IL34: variants seen among roughly 807,000 people sequenced by gnomAD.
IL34 encodes interleukin 34.
In IL34, 17 loss-of-function variants were observed where a neutral mutation model predicts 25.3. The ratio of observed to expected loss-of-function variants is 0.67; its 90% CI spans 0.46 to 1.01. IL34 has a LOEUF of 1.01. Ranked by LOEUF, IL34 falls within the 50% of genes least tolerant of loss-of-function variation. The pLI is 0.00. For missense variants in IL34, 368 were observed against 312.9 expected, an observed-to-expected ratio of 1.18 and a Z score of -1.33; for synonymous variants, 174 against 140.9, an observed-to-expected ratio of 1.23 and a Z score of -1.66.
In IL34 at chr16:70,647,922, G is replaced by A. The variant is rs146035966; in HGVS notation, c.28+947G>A. ...CATGGGGGAGGGGCTACTGGAAATG[G>A]TCTAGAAGGTGGGGTGGTGGTCACA... On this transcript the variant is annotated intron_variant, in intron 1 of 5. Transcript: ENST00000288098. 5.2e-3 allele frequency among the ~76,000 whole-genome samples: 792 copies of A among 152,326 alleles called. 2 individuals are homozygous for A. Among genetic ancestry groups the A allele is most frequent in the South Asian group, 0.016 (79 of 4,820 alleles).
intron 1 of IL34, among the ~76,000 whole-genome samples, chr16:70,652,380 C>A (rs979727752): frequency 1.4e-4 from 22 of 152,028 alleles, no homozygotes; most frequent in African/African-American, 5.1e-4. Context: ...ATTGCTTGAA[C>A]CCAGGAGTTT....
At chr16:70,624,204 G>A (rs940722368) in intron 1 of IL34, among the ~76,000 whole-genome samples, 100 of 151,896 alleles carry the variant, frequency 6.6e-4, no homozygotes, top group African/African-American at 2.1e-3. Flanking sequence ...CCGGGCTGCC[G>A]GCATTCCTTG....
intron 1 of IL34, 99 bp downstream of exon 1, chr16:70,647,074 G>C (rs2051953482): frequency 9.0e-7 from 1 of 1,114,780 alleles, no homozygotes; most frequent in Non-Finnish European, 1.2e-6. Flanking sequence ...TTGCTGGTGA[G>C]AAGTTGCGAT....
intron 4 of IL34, among the ~76,000 whole-genome samples, chr16:70,657,880 C>A (rs577624122): frequency 6.6e-6 from 1 of 152,230 alleles, no homozygotes; most frequent in African/African-American, 2.4e-5. Context: ...AGAGTGTGAG[C>A]CCTAATGTAA....
intron 1 of IL34, among the ~76,000 whole-genome samples, chr16:70,593,824 G>C (rs560027700): frequency 6.6e-6 from 1 of 152,130 alleles, no homozygotes; most frequent in South Asian, 2.1e-4. Context: ...AGTGTACCTG[G>C]CAATATCTAG....
intron 1 of IL34, among the ~76,000 whole-genome samples, chr16:70,621,228 GT>G (rs2051275007): frequency 6.6e-6 from 1 of 152,154 alleles, no homozygotes; most frequent in Non-Finnish European, 1.5e-5. Context: ...CCCTTGAAGC[GT>G]GCCTGTATAA....
intron 1 of IL34, among the ~76,000 whole-genome samples, chr16:70,619,477 C>T (rs2151835263): frequency 6.6e-6 from 1 of 152,046 alleles, no homozygotes; most frequent in African/African-American, 2.4e-5. Flanking sequence ...AAAAGGAGTG[C>T]TTAAAAGAGT....
At chr16:70,633,281 TCTCA>T (rs2051561082) in intron 1 of IL34, among the ~76,000 whole-genome samples, 1 of 149,606 alleles carries the variant, frequency 6.7e-6, no homozygotes, top group African/African-American at 2.5e-5. Flanking sequence ...TAAGACAGGG[TCTCA>T]CTCTGTTGCT....
chr16:70,605,643 T>C (rs999798629), intron 1 of IL34, among the ~76,000 whole-genome samples: 3 of 152,202 alleles, frequency 2.0e-5, no homozygotes, highest in Non-Finnish European at 2.9e-5. Flanking sequence ...TTATTATTTG[T>C]TACAATGAGA....
At chr16:70,650,993 G>C (rs1005420201) in intron 1 of IL34, among the ~76,000 whole-genome samples, 1 of 152,182 alleles carries the variant, frequency 6.6e-6, no homozygotes, top group Non-Finnish European at 1.5e-5. Context: ...AGTGGATCAC[G>C]AGGTCAGGAG....
chr16:70,654,444 C>A, intron 1 of IL34, 94 bp from the exon 2 acceptor site: 1 of 1,477,758 alleles, frequency 6.8e-7, no homozygotes, highest in Non-Finnish European at 9.1e-7. Context: ...GTCTCCTATG[C>A]AAATGGATGA....
In IL34 at chr16:70,659,677, A is replaced by G. The variant is rs138898622; in HGVS notation, c.462A>G (p.Pro154=). The change falls in exon 5 of 6, where the codon CCA becomes CCG. Residue 154 remains proline, a synonymous_variant. Coordinates refer to ENST00000288098, the MANE Select transcript of IL34 (RefSeq NM_001393494.1). ...TGTCCCTCTTGAATGCCCCAGGGCC[A>G]AACCTGAAGCTGGTGCGGCCCAAAG... ...SVLSLLNAPG[P]NLKLVRPKAL... The G allele has an allele frequency of 5.2e-3, 8,447 of 1,613,110 alleles. 78 individuals are homozygous for G. Among genetic ancestry groups the G allele is most frequent in the African/African-American group, 0.033 (2,506 of 75,020 alleles).
chr16:70,641,199 G>A (rs1385220181), intron 1 of IL34, among the ~76,000 whole-genome samples: 1 of 152,044 alleles, frequency 6.6e-6, no homozygotes, highest in Non-Finnish European at 1.5e-5. Flanking sequence ...CTTGGACCTG[G>A]GAGGCAGAGG....
intron 1 of IL34, among the ~76,000 whole-genome samples, chr16:70,593,247 C>G (rs1291807676): frequency 6.6e-6 from 1 of 151,940 alleles, no homozygotes; most frequent in African/African-American, 2.4e-5. Context: ...TATCATTTTT[C>G]CTAGCAATAG....
chr16:70,614,404 G>A (rs1461149745), intron 1 of IL34, among the ~76,000 whole-genome samples: 1 of 152,150 alleles, frequency 6.6e-6, no homozygotes, highest in Admixed American at 6.5e-5. Flanking sequence ...CTGACCTACT[G>A]AATTGTATGT....
intron 1 of IL34, among the ~76,000 whole-genome samples, chr16:70,640,712 T>G (rs2051761692): frequency 6.6e-6 from 1 of 152,154 alleles, no homozygotes; most frequent in Non-Finnish European, 1.5e-5. Context: ...GCAGTATAGT[T>G]GATGTATGGT....
chr16:70,634,209 C>A (rs201035566), intron 1 of IL34, among the ~76,000 whole-genome samples: 1 of 152,132 alleles, frequency 6.6e-6, no homozygotes, highest in Non-Finnish European at 1.5e-5. Context: ...TCTGGTATGA[C>A]CTCACTCTAA....
intron 1 of IL34, among the ~76,000 whole-genome samples, chr16:70,580,435 T>C (rs1003996707): frequency 1.3e-5 from 2 of 152,252 alleles, no homozygotes; most frequent in African/African-American, 4.8e-5. Flanking sequence ...TCTTTGGACC[T>C]TAATGTACTG....
At chr16:70,584,817 C>T (rs1171650929) in intron 1 of IL34, among the ~76,000 whole-genome samples, 1 of 152,092 alleles carries the variant, frequency 6.6e-6, no homozygotes, top group Non-Finnish European at 1.5e-5. Context: ...TCTCCTGCCT[C>T]AGCCTCTGGA....
Sources: gnomAD v4.1 joint callset for allele counts (sites outside exome capture counted in the v4.1 genomes callset) on GRCh38, gnomAD v4.1.1 for gene constraint, MANE v1.5 for transcripts, NCBI Gene and HGNC (gene_info 2026-07-23, HGNC 2026-07-21) for gene names.